Variants in GOLGA6C observed in about 807,000 individuals in gnomAD.
GOLGA6C encodes the protein golgin A6 family member C, also known as golgin subfamily A member 6C.
In GOLGA6C, 3 loss-of-function variants were observed where a neutral mutation model predicts 57.5. That is an observed-to-expected ratio of 0.05 (90% confidence interval 0.02 to 0.13). The LOEUF is 0.13. Among genes scored for constraint, GOLGA6C ranks in the 10% least tolerant of loss-of-function variants. The pLI is 1.00. For synonymous variants in GOLGA6C, 32 were observed against 203.8 expected (o/e 0.16, Z 7.18); for missense variants, 88 against 525.6 (o/e 0.17, Z 8.14).
intron 2 of GOLGA6C, among the ~76,000 whole-genome samples, chr15:75,260,989 ACTT>A (rs1405182831): frequency 3.5e-5 from 1 of 28,600 alleles, no homozygotes; most frequent in African/African-American, 1.5e-4. Context: ...CAGAAAAATC[ACTT>A]CTTCTGCTGG....
At position 75,272,790 on chromosome 15, in the gene GOLGA6C, C is replaced by T. The variant is rs2141637306; in HGVS notation, c.*2591C>T. ...AGTCTTTCTTCAAAGTGCATGTGGT[C>T]CTTTGCAATACCTCATTCAGCCAAG... On this transcript the variant is annotated 3_prime_UTR_variant, in exon 18 of 18. Transcript: ENST00000300576. Among the ~76,000 whole-genome samples, 1 of 151,694 alleles carries T rather than the reference C, an allele frequency of 6.6e-6. No individual in the cohort carries two copies. Among genetic ancestry groups the T allele is most frequent in the East Asian group, 1.9e-4 (1 of 5,194 alleles).
chr15:75,265,116 A>C lies in GOLGA6C; in HGVS notation c.565-6A>C, dbSNP rs1302355781. 3.2e-5 allele frequency: 51 copies of C among 1,605,568 alleles called. 1 individual carries two copies. The highest frequency in any genetic ancestry group is 1.8e-4 in the Admixed American group (11 of 59,688). On this transcript the variant is annotated splice_polypyrimidine_tract_variant and splice_region_variant and intron_variant, in intron 7 of 17. Coordinates refer to ENST00000300576, the MANE Select transcript of GOLGA6C (RefSeq NM_001164404.2). Reference sequence around the variant, plus strand: ...AGATCAAAACTTCTCACTCTTCACCATCCAGTCCTCGAGCTGCAGAGAAGC... The same window carrying C: ...AGATCAAAACTTCTCACTCTTCACCCTCCAGTCCTCGAGCTGCAGAGAAGC...
rs201059958 is a variant in GOLGA6C, at chr15:75,270,161, C to A, written c.2044C>A (p.Gln682Lys). The A allele has an allele frequency of 1.2e-4, 195 of 1,592,114 alleles. 18 individuals are homozygous for A. The highest frequency in any genetic ancestry group is 1.5e-4 in the Non-Finnish European group (178 of 1,174,484). Residue 682 changes from glutamine (Q) to lysine (K), a missense_variant, in exon 18 of 18, where the codon CAG (glutamine) becomes AAG (lysine). Gln to Lys is a moderately conservative substitution (Grantham distance 53). Coordinates refer to ENST00000300576, the MANE Select transcript of GOLGA6C (RefSeq NM_001164404.2). ...TCCCCATGACAACCCCCCGGTACAG[C>A]AGATCGTGCAGCTGTCTCCTGTCAT... Reference protein sequence around the residue: ...GSPHDNPPVQQIVQLSPVMQD... With the variant: ...GSPHDNPPVQKIVQLSPVMQD...
rs1233915064 is a variant in GOLGA6C at position 75,269,475 on chromosome 15, AG to A, written c.1618del (p.Glu540ArgfsTer22). 1 of 1,002,688 alleles carries A rather than the reference AG, an allele frequency of 1.0e-6. No homozygotes were observed. The highest frequency in any genetic ancestry group is 1.9e-5 in the African/African-American group (1 of 53,922). 62.1% of individuals were successfully genotyped at this position (1,002,688 alleles called of 1,614,324 possible). A position where few individuals can be genotyped will look rare whatever the true frequency, so the allele number is the denominator to read the frequency against. ...EATSSFMDLP[K>X]EKADGTEQVE... ...CAGAGCAGCTTTATGGACCTCCCGA[AG>A]GAGAAGGCGGACGGGACGGAGCAGG... On this transcript the variant is annotated frameshift_variant, in exon 15 of 18. Transcript: ENST00000300576. LOFTEE classifies it high-confidence loss of function.
chr15:75,272,616 G>A lies in GOLGA6C; in HGVS notation c.*2417G>A, dbSNP rs972562276. Reference sequence around the variant, plus strand: ...AATAATGTGTTCATCAGGTACCTGTGGATTAAATCACACACCGGCATATTT... The same window carrying A: ...AATAATGTGTTCATCAGGTACCTGTAGATTAAATCACACACCGGCATATTT... On this transcript the variant is annotated 3_prime_UTR_variant, in exon 18 of 18. Transcript: ENST00000300576. 2.0e-5 allele frequency among the ~76,000 whole-genome samples: 3 copies of A among 152,212 alleles called. No homozygotes were observed. The highest frequency in any genetic ancestry group is 7.2e-5 in the African/African-American group (3 of 41,420).
rs567046853 is a variant in GOLGA6C at position 75,272,783 on chromosome 15, A to G, written c.*2584A>G. Reference sequence around the variant, plus strand: ...TAACTTAAGTCTTTCTTCAAAGTGCATGTGGTCCTTTGCAATACCTCATTC... The same window carrying G: ...TAACTTAAGTCTTTCTTCAAAGTGCGTGTGGTCCTTTGCAATACCTCATTC... On this transcript the variant is annotated 3_prime_UTR_variant, in exon 18 of 18. Transcript: ENST00000300576. 1.6e-4 allele frequency among the ~76,000 whole-genome samples: 25 copies of G among 151,622 alleles called. No individual in the cohort carries two copies. The South Asian group carries it at 5.2e-3, about 32-fold the overall frequency.
chr15:75,273,101 A>G lies in GOLGA6C; in HGVS notation c.*2902A>G, dbSNP rs1381729988. On this transcript the variant is annotated 3_prime_UTR_variant, in exon 18 of 18. Coordinates refer to ENST00000300576, the MANE Select transcript of GOLGA6C (RefSeq NM_001164404.2). ...AAATGTGAAAATATAAATCAGCCCTATGCATAATATAGTTTCTCTAAAACT... is the reference window on the plus strand; with the variant it reads ...AAATGTGAAAATATAAATCAGCCCTGTGCATAATATAGTTTCTCTAAAACT... 2.0e-5 allele frequency among the ~76,000 whole-genome samples: 3 copies of G among 152,096 alleles called. No individual in the cohort carries two copies. The highest frequency in any genetic ancestry group is 4.4e-5 in the Non-Finnish European group (3 of 68,052).
At position 75,270,190 on chromosome 15, in the gene GOLGA6C, G is replaced by A. The variant is rs1284349680; in HGVS notation, c.2073G>A (p.Gln691=). 1 of 1,592,864 alleles carries A rather than the reference G, an allele frequency of 6.3e-7. No individual in the cohort carries two copies. The highest frequency in any genetic ancestry group is 2.4e-5 in the East Asian group (1 of 41,986). The change falls in exon 18 of 18, where the codon CAG becomes CAA. Residue 691 remains glutamine, a synonymous_variant. Coordinates refer to ENST00000300576, the MANE Select transcript of GOLGA6C (RefSeq NM_001164404.2). ...QQIVQLSPVM[Q]DT is the part of the protein sequence containing the mutation. ...TCGTGCAGCTGTCTCCTGTCATGCA[G>A]GACACCTAGGAGCACCCAGGCTTGC...
intron 1 of GOLGA6C, among the ~76,000 whole-genome samples, chr15:75,259,479 C>T (rs2070725503): frequency 1.8e-5 from 1 of 54,128 alleles, no homozygotes; most frequent in Admixed American, 2.0e-4. Context: ...AAAGCCTACA[C>T]TTCCCCTGTG....
intron 10 of GOLGA6C, among the ~76,000 whole-genome samples, 161 bp from the exon 11 acceptor site, chr15:75,265,936 CTTGGAAAT>C (rs2070759853): frequency 7.0e-6 from 1 of 142,268 alleles, no homozygotes; most frequent in South Asian, 2.3e-4. Flanking sequence ...GTGAAAGTGG[CTTGGAAAT>C]TGGCTACCAT....
In GOLGA6C at chr15:75,273,169, A is replaced by T. The variant is rs1061786; in HGVS notation, c.*2970A>T. On this transcript the variant is annotated 3_prime_UTR_variant, in exon 18 of 18. Coordinates refer to ENST00000300576, the MANE Select transcript of GOLGA6C (RefSeq NM_001164404.2). ...TTTAAAAGAATATAACTATTCAAAA[A>T]TGTAACTGCTATCTTAATGTTTTGA... is the stretch of plus-strand genomic sequence containing the variant. Among the ~76,000 whole-genome samples, 2 of 152,178 alleles carry T rather than the reference A, an allele frequency of 1.3e-5. No individual in the cohort carries two copies. The highest frequency in any genetic ancestry group is 6.6e-5 in the Admixed American group (1 of 15,266).
chr15:75,273,292 G>C lies in GOLGA6C; in HGVS notation c.*3093G>C, dbSNP rs1457605916. Among the ~76,000 whole-genome samples, 1 of 151,700 alleles carries C rather than the reference G, an allele frequency of 6.6e-6. No individual in the cohort carries two copies. Among genetic ancestry groups the C allele is most frequent in the African/African-American group, 2.4e-5 (1 of 41,174 alleles). On this transcript the variant is annotated 3_prime_UTR_variant, in exon 18 of 18. Transcript: ENST00000300576. ...AAAGAAATGCCAATTCCAATGCAAGGCTTTATTTGCCAAGTTTTCTTAGAA... is the reference window on the plus strand; with the variant it reads ...AAAGAAATGCCAATTCCAATGCAAGCCTTTATTTGCCAAGTTTTCTTAGAA...
intron 1 of GOLGA6C, among the ~76,000 whole-genome samples, chr15:75,259,200 C>T (rs1305750880): frequency 2.2e-4 from 34 of 151,568 alleles, no homozygotes; most frequent in African/African-American, 6.9e-4. Context: ...CATCGTGGAT[C>T]GGCAACTCAG....
In GOLGA6C at chr15:75,272,718, T is replaced by C. The variant is rs2070794090; in HGVS notation, c.*2519T>C. ...CTCTTTGTGTAGGTATTCTGTCATA[T>C]ATTTAAGAAAAATTAAATAGCATGT... is the stretch of plus-strand genomic sequence containing the variant. On this transcript the variant is annotated 3_prime_UTR_variant, in exon 18 of 18. Coordinates refer to ENST00000300576, the MANE Select transcript of GOLGA6C (RefSeq NM_001164404.2). Among the ~76,000 whole-genome samples the C allele has an allele frequency of 6.6e-6, 1 of 151,424 alleles. No individual in the cohort carries two copies. Among genetic ancestry groups the C allele is most frequent in the African/African-American group, 2.5e-5 (1 of 40,666 alleles).
chr15:75,260,000 ACTT>A (rs2070727434), intron 1 of GOLGA6C, among the ~76,000 whole-genome samples: 1 of 83,722 alleles, frequency 1.2e-5, no homozygotes, highest in Non-Finnish European at 2.4e-5. Context: ...ATACTGGTGC[ACTT>A]CTTCACACTA....
chr15:75,272,358 GAC>G lies in GOLGA6C; in HGVS notation c.*2161_*2162del, dbSNP rs1160185111. Among the ~76,000 whole-genome samples, 1 of 129,938 alleles carries G rather than the reference GAC, an allele frequency of 7.7e-6. No individual in the cohort carries two copies. The highest frequency in any genetic ancestry group is 1.6e-5 in the Non-Finnish European group (1 of 63,186). The allele number at this position is 129,938 out of a possible 152,430, so 85.2% of individuals were successfully genotyped here. ...TTGCATTCTTTGAGTTCAGTTTAAA[GAC>G]AGTTTGAGTCCAATTTAGACCCTCG... is the stretch of plus-strand genomic sequence containing the variant. On this transcript the variant is annotated 3_prime_UTR_variant, in exon 18 of 18. Coordinates refer to ENST00000300576, the MANE Select transcript of GOLGA6C (RefSeq NM_001164404.2).
intron 14 of GOLGA6C, among the ~76,000 whole-genome samples, 157 bp downstream of exon 14, chr15:75,269,045 G>T (rs1355617857): frequency 3.5e-4 from 42 of 120,520 alleles, no homozygotes; most frequent in Non-Finnish European, 6.1e-4. Flanking sequence ...ACCAACAGGT[G>T]CACTCTCTGA....
Position 75,273,248 on chromosome 15 carries a change from G to C in GOLGA6C, c.*3049G>C, listed in dbSNP as rs1489208530. 6.6e-6 allele frequency among the ~76,000 whole-genome samples: 1 copy of C among 152,028 alleles called. No individual in the cohort carries two copies. The highest frequency in any genetic ancestry group is 1.5e-5 in the Non-Finnish European group (1 of 68,042). On this transcript the variant is annotated 3_prime_UTR_variant, in exon 18 of 18. Coordinates refer to ENST00000300576, the MANE Select transcript of GOLGA6C (RefSeq NM_001164404.2). ...TACTGTAGTTTGAAAGAAAGAAACT[G>C]GGGGAAGGAAAAGTAGAGAAAGAAA...
intron 1 of GOLGA6C, among the ~76,000 whole-genome samples, chr15:75,259,198 A>C (rs2070723405): frequency 6.6e-6 from 1 of 151,124 alleles, no homozygotes; most frequent in Non-Finnish European, 1.5e-5. Context: ...CCCATCGTGG[A>C]TCGGCAACTC....
Sources: gnomAD v4.1 joint callset for allele counts (sites outside exome capture counted in the v4.1 genomes callset) on GRCh38, gnomAD v4.1.1 for gene constraint, MANE v1.5 for transcripts, NCBI Gene and HGNC (gene_info 2026-07-23, HGNC 2026-07-21) for gene names.